The following TLL1 variants were observed in gnomAD, a reference collection of about 807,000 sequenced individuals.
TLL1 encodes tolloid-like protein 1.
Under a neutral mutation model 128.2 loss-of-function variants are expected in TLL1, and 49 were observed. That is an observed-to-expected ratio of 0.38 (90% CI 0.30 to 0.48). TLL1 has a LOEUF of 0.48. Ranked by LOEUF, TLL1 falls within the 20% of genes least tolerant of loss-of-function variation. The pLI is 0.96. For synonymous variants in TLL1, 454 were observed against 418.8 expected (o/e 1.08, Z -1.03); for missense variants, 1,123 against 1,242.0 (o/e 0.90, Z 1.44).
intron 1 of TLL1, among the ~76,000 whole-genome samples, chr4:165,989,131 T>C (rs1219835040): frequency 6.6e-6 from 1 of 152,066 alleles, no homozygotes; most frequent in Non-Finnish European, 1.5e-5. Flanking sequence ...TCAGTAACCT[T>C]CTTATTCAAG....
chr4:166,006,136 C>T (rs746144469), intron 6 of TLL1, among the ~76,000 whole-genome samples: 14 of 151,724 alleles, frequency 9.2e-5, no homozygotes, highest in Non-Finnish European at 1.8e-4. Flanking sequence ...ACTTTGGCCT[C>T]ACATTTATAT....
Position 166,063,948 on chromosome 4 carries a change from A to G in TLL1, c.2008-1735A>G, listed in dbSNP as rs142718447. Among the ~76,000 whole-genome samples the G allele has an allele frequency of 7.8e-3, 1,188 of 152,028 alleles. 17 individuals are homozygous for G. Among genetic ancestry groups the G allele is most frequent in the African/African-American group, 0.027 (1,128 of 41,418 alleles). On this transcript the variant is annotated intron_variant, in intron 15 of 20. Transcript: ENST00000061240. Reference sequence around the variant, plus strand: ...CAACATGGCACGTGTATACGTATGTAACAAACTTCACGTTGTGCACATGTA... The same window carrying G: ...CAACATGGCACGTGTATACGTATGTGACAAACTTCACGTTGTGCACATGTA...
At chr4:165,945,251 G>A (rs1734192076) in intron 1 of TLL1, among the ~76,000 whole-genome samples, 2 of 151,470 alleles carry the variant, frequency 1.3e-5, no homozygotes, top group Admixed American at 1.3e-4. Flanking sequence ...AAATTGAGTA[G>A]GATTTATTAA....
At chr4:165,891,082 G>T (rs1273100791) in intron 1 of TLL1, among the ~76,000 whole-genome samples, 1 of 152,264 alleles carries the variant, frequency 6.6e-6, no homozygotes, top group East Asian at 1.9e-4. Context: ...GGCCTGAGCT[G>T]CATATTTTTC....
intron 14 of TLL1, among the ~76,000 whole-genome samples, 164 bp downstream of exon 14, chr4:166,057,473 T>C (rs545820361): frequency 1.1e-4 from 17 of 152,306 alleles, no homozygotes; most frequent in Non-Finnish European, 2.1e-4. Flanking sequence ...AAACCTTACC[T>C]GAATTCTTGT....
intron 1 of TLL1, among the ~76,000 whole-genome samples, chr4:165,921,896 G>T (rs552014189): frequency 6.6e-6 from 1 of 152,260 alleles, no homozygotes; most frequent in East Asian, 1.9e-4. Context: ...GAGCAGAAAC[G>T]TAGAAAAGTA....
chr4:165,972,038 G>C (rs1735650870), intron 1 of TLL1, among the ~76,000 whole-genome samples: 1 of 152,182 alleles, frequency 6.6e-6, no homozygotes, highest in Admixed American at 6.6e-5. Flanking sequence ...TATCTTGCCT[G>C]GGGTGGGGAA....
chr4:165,912,891 G>GA (rs11439705), intron 1 of TLL1, among the ~76,000 whole-genome samples: 41,745 of 146,382 alleles, frequency 0.29, 6,888 homozygotes, highest in East Asian at 0.58. Flanking sequence ...ACCATAGAAA[G>GA]AAAAAAAAAA....
At chr4:166,016,669 C>T (rs1737965934) in intron 8 of TLL1, among the ~76,000 whole-genome samples, 1 of 151,972 alleles carries the variant, frequency 6.6e-6, no homozygotes, top group Non-Finnish European at 1.5e-5. Context: ...AATAAAACCA[C>T]ATTGAAGAAA....
intron 1 of TLL1, among the ~76,000 whole-genome samples, chr4:165,953,579 A>G (rs566076438): frequency 0.017 from 2,194 of 132,940 alleles, 54 homozygotes; most frequent in African/African-American, 0.081. Flanking sequence ...AAAAAAAAAA[A>G]AAAGAAAGAA....
At chr4:165,930,072 G>T (rs1479913535) in intron 1 of TLL1, among the ~76,000 whole-genome samples, 1 of 152,130 alleles carries the variant, frequency 6.6e-6, no homozygotes, top group Non-Finnish European at 1.5e-5. Flanking sequence ...GGCTGGAGTT[G>T]AATCAGTACA....
At chr4:166,083,951 C>T (rs1007931378) in intron 18 of TLL1, among the ~76,000 whole-genome samples, 6 of 152,040 alleles carry the variant, frequency 3.9e-5, no homozygotes, top group Non-Finnish European at 7.4e-5. Context: ...TTTAACTTTT[C>T]GAGGAGACTC....
intron 1 of TLL1, among the ~76,000 whole-genome samples, chr4:165,899,349 A>T (rs1042527754): frequency 1.3e-5 from 2 of 151,974 alleles, no homozygotes; most frequent in African/African-American, 4.8e-5. Context: ...GCTTTCTCCT[A>T]TGGGCATTTA....
chr4:166,060,283 G>A, intron 15 of TLL1, 95 bp downstream of exon 15: 1 of 1,321,572 alleles, frequency 7.6e-7, no homozygotes, highest in Non-Finnish European at 1.1e-6. Flanking sequence ...TAGTAAAATA[G>A]TATAGACATT....
In TLL1 at chr4:165,945,156, C is replaced by T. The variant is rs79661663; in HGVS notation, c.170-44225C>T. 8.9e-3 allele frequency among the ~76,000 whole-genome samples: 1,345 copies of T among 151,944 alleles called. 21 individuals carry two copies. The highest frequency in any genetic ancestry group is 0.03 in the African/African-American group (1,244 of 41,458). On this transcript the variant is annotated intron_variant, in intron 1 of 20. Coordinates refer to ENST00000061240, the MANE Select transcript of TLL1 (RefSeq NM_012464.5). ...GGAGAAAAAGTAGGATTGTGAGGAC[C>T]GAGAATGAGTGGTCAGCCTTGCCTG...
chr4:165,969,965 T>C (rs1469913888), intron 1 of TLL1, among the ~76,000 whole-genome samples: 2 of 152,132 alleles, frequency 1.3e-5, no homozygotes, highest in Non-Finnish European at 2.9e-5. Flanking sequence ...TTACAGAAAT[T>C]TGTAGTTCCT....
In TLL1 at chr4:166,074,869, C is replaced by A; in HGVS notation, c.2189-9C>A. ...ACTTACTAGACTATGGGATTGATCT[C>A]TTTGCTAGACAAAGATGAATGCTCT... On this transcript the variant is annotated splice_polypyrimidine_tract_variant and intron_variant, in intron 16 of 20. Transcript: ENST00000061240. 6.2e-7 allele frequency: 1 copy of A among 1,613,044 alleles called. No homozygotes were observed. Among genetic ancestry groups the A allele is most frequent in the East Asian group, 2.2e-5 (1 of 44,754 alleles).
intron 13 of TLL1, among the ~76,000 whole-genome samples, chr4:166,056,495 A>G (rs1224557588): frequency 1.3e-5 from 2 of 152,002 alleles, no homozygotes; most frequent in South Asian, 2.1e-4. Flanking sequence ...CAAAATGTCT[A>G]TATAAGAAAC....
intron 1 of TLL1, among the ~76,000 whole-genome samples, chr4:165,955,318 T>C (rs1298965443): frequency 6.6e-6 from 1 of 152,084 alleles, no homozygotes; most frequent in Non-Finnish European, 1.5e-5. Flanking sequence ...GTGTGACTTA[T>C]TGGCATTCCT....
Sources: allele counts gnomAD v4.1 joint callset (sites outside exome capture counted in the v4.1 genomes callset), GRCh38; gene constraint gnomAD v4.1.1; transcripts MANE v1.5; gene names NCBI Gene and HGNC (gene_info 2026-07-23, HGNC 2026-07-21).